The following INPP5F variants were observed in gnomAD, a reference collection of about 807,000 sequenced individuals.
INPP5F encodes inositol polyphosphate-5-phosphatase F, also known as phosphatidylinositide 4-phosphatase SAC2.
In INPP5F, 97 loss-of-function variants were observed where a neutral mutation model predicts 137.2. The observed-to-expected ratio is 0.71, with a 90% CI of 0.60 to 0.84. The LOEUF is 0.84. Among genes scored for constraint, INPP5F ranks in the 40% least tolerant of loss-of-function variants. The pLI, the probability that INPP5F is intolerant of heterozygous loss-of-function variation, is 0.00. For missense variants in INPP5F, 1,271 were observed against 1,371.9 expected, an observed-to-expected ratio of 0.93 and a Z score of 1.16; for synonymous variants, 504 against 476.9, an observed-to-expected ratio of 1.06 and a Z score of -0.74.
At chr10:119,732,152 C>T (rs1435660408) in intron 1 of INPP5F, among the ~76,000 whole-genome samples, 1 of 151,562 alleles carries the variant, frequency 6.6e-6, no homozygotes, top group Non-Finnish European at 1.5e-5. Flanking sequence ...TCTTGTGCCG[C>T]AGCCTCCTGA....
intron 6 of INPP5F, among the ~76,000 whole-genome samples, chr10:119,796,053 C>G (rs1024228032): frequency 1.9e-5 from 2 of 106,590 alleles, no homozygotes; most frequent in South Asian, 3.0e-4. Flanking sequence ...GGCTGGGCAT[C>G]AGAGGGAGAC....
intron 16 of INPP5F, 91 bp from the exon 17 acceptor site, chr10:119,822,340 A>G (rs535210236): frequency 3.3e-6 from 2 of 609,478 alleles, no homozygotes; most frequent in Non-Finnish European, 2.9e-6. Context: ...TGTTAACTGT[A>G]TGTAACAGTT....
chr10:119,809,844 T>G (rs566591226), intron 13 of INPP5F, among the ~76,000 whole-genome samples: 1 of 152,260 alleles, frequency 6.6e-6, no homozygotes, highest in South Asian at 2.1e-4. Flanking sequence ...TTCTACAAAT[T>G]GCCAAGAATG....
chr10:119,755,074 T>G (rs1848800140), intron 2 of INPP5F, among the ~76,000 whole-genome samples: 2 of 152,212 alleles, frequency 1.3e-5, no homozygotes, highest in South Asian at 4.1e-4. Flanking sequence ...TGAACAGATG[T>G]CATTGACAGT....
intron 2 of INPP5F, among the ~76,000 whole-genome samples, chr10:119,752,654 A>G (rs1012367584): frequency 1.3e-5 from 2 of 151,120 alleles, no homozygotes; most frequent in African/African-American, 4.8e-5. Flanking sequence ...CCTTTTCCCA[A>G]ATGTTTCCAA....
rs1851785625 is a variant in INPP5F at position 119,826,975 on chromosome 10, C to CAA, written c.2596_2597dup (p.Asn866LysfsTer11). 6.2e-7 allele frequency: 1 copy of CAA among 1,613,958 alleles called. No individual in the cohort carries two copies. Among genetic ancestry groups the CAA allele is most frequent in the South Asian group, 1.1e-5 (1 of 91,074 alleles). ...TCATACCACTCTGATGAATTCCTTA[C>CAA]AAATTCTAAGTCTGATGAAGACAGG... On this transcript the variant is annotated frameshift_variant, in exon 20 of 20. Coordinates refer to ENST00000650623, the MANE Select transcript of INPP5F (RefSeq NM_014937.4). LOFTEE classifies it high-confidence loss of function.
intron 3 of INPP5F, among the ~76,000 whole-genome samples, chr10:119,785,462 T>A (rs935907717): frequency 1.3e-5 from 2 of 150,872 alleles, no homozygotes; most frequent in African/African-American, 4.9e-5. Flanking sequence ...ATTTTTTGTA[T>A]TTTTAGCAGA....
At chr10:119,732,864 T>C (rs1444452483) in intron 1 of INPP5F, among the ~76,000 whole-genome samples, 1 of 152,184 alleles carries the variant, frequency 6.6e-6, no homozygotes, top group Non-Finnish European at 1.5e-5. Context: ...CCTTTACATG[T>C]ATTATTTCAT....
intron 7 of INPP5F, among the ~76,000 whole-genome samples, 188 bp downstream of exon 7, chr10:119,797,101 G>A (rs1850412167): frequency 6.6e-6 from 1 of 152,158 alleles, no homozygotes; most frequent in Non-Finnish European, 1.5e-5. Context: ...GAGAGAGTTA[G>A]CAAAATGAGA....
intron 2 of INPP5F, among the ~76,000 whole-genome samples, chr10:119,757,877 G>A (rs1192329313): frequency 6.6e-6 from 1 of 152,006 alleles, no homozygotes; most frequent in Admixed American, 6.5e-5. Context: ...TCTTCTCATG[G>A]AAATAACCTC....
chr10:119,737,948 C>T (rs1399825746), intron 1 of INPP5F, among the ~76,000 whole-genome samples: 2 of 151,994 alleles, frequency 1.3e-5, no homozygotes, highest in African/African-American at 2.4e-5. Context: ...GCTTCAGCAG[C>T]TGTGCTTTAA....
intron 17 of INPP5F, 55 bp downstream of exon 17, chr10:119,822,559 A>C: frequency 1.3e-6 from 1 of 782,216 alleles, no homozygotes; most frequent in South Asian, 1.8e-5. Flanking sequence ...TGTTTCCAAG[A>C]GGGGGTCAAA....
chr10:119,734,238 G>C (rs1451539174), intron 1 of INPP5F, among the ~76,000 whole-genome samples: 2 of 152,144 alleles, frequency 1.3e-5, no homozygotes, highest in Non-Finnish European at 2.9e-5. Context: ...TTTAGTCCTT[G>C]TGATGTATGG....
intron 1 of INPP5F, among the ~76,000 whole-genome samples, chr10:119,729,673 A>T (rs2134096228): frequency 6.7e-6 from 1 of 149,122 alleles, no homozygotes; most frequent in Non-Finnish European, 1.5e-5. Context: ...ACCTCCCGGC[A>T]CCAAGCTATT....
chr10:119,812,017 T>C lies in INPP5F; in HGVS notation c.1886+62T>C, dbSNP rs183022434. ...AACTGATGTTGGGAAGTTGTCATGA[T>C]TAACACTGGCAGTTGTCCCTAAAGC... On this transcript the variant is annotated intron_variant, in intron 15 of 19. Coordinates refer to ENST00000650623, the MANE Select transcript of INPP5F (RefSeq NM_014937.4). The C allele has an allele frequency of 4.9e-4, 632 of 1,291,960 alleles. 3 individuals carry two copies. The African/African-American group carries it at 6.9e-3, about 14-fold the overall frequency. 80.0% of individuals were successfully genotyped at this position (1,291,960 alleles called of 1,614,324 possible).
intron 1 of INPP5F, 49 bp from the exon 2 acceptor site, chr10:119,751,027 A>G: frequency 1.7e-6 from 2 of 1,164,074 alleles, no homozygotes; most frequent in South Asian, 1.2e-5. Flanking sequence ...CTGTTTTAAT[A>G]TATTTTCTGG....
chr10:119,728,077 G>T (rs1441493663), intron 1 of INPP5F, among the ~76,000 whole-genome samples: 1 of 152,206 alleles, frequency 6.6e-6, no homozygotes, highest in African/African-American at 2.4e-5. Flanking sequence ...ATGCAGTTTG[G>T]ATTACTGTTT....
intron 17 of INPP5F, among the ~76,000 whole-genome samples, 183 bp downstream of exon 17, chr10:119,822,687 G>A (rs1851612031): frequency 1.3e-5 from 2 of 152,200 alleles, no homozygotes; most frequent in South Asian, 4.1e-4. Flanking sequence ...GAAATCCTAA[G>A]GCAGAAATGT....
chr10:119,812,719 C>G (rs572641368), intron 15 of INPP5F, among the ~76,000 whole-genome samples: 42 of 152,232 alleles, frequency 2.8e-4, no homozygotes, highest in Admixed American at 1.2e-3. Flanking sequence ...ATATTAATCT[C>G]ATGGATTTTT....
Sources: allele counts gnomAD v4.1 joint callset (sites outside exome capture counted in the v4.1 genomes callset), GRCh38; gene constraint gnomAD v4.1.1; transcripts MANE v1.5; gene names NCBI Gene and HGNC (gene_info 2026-07-23, HGNC 2026-07-21).